Variants in DDHD1 observed in about 807,000 individuals in gnomAD.
The protein encoded by DDHD1 is phospholipase DDHD1.
Under a neutral mutation model 96.4 loss-of-function variants are expected in DDHD1, and 49 were observed. That is an observed-to-expected ratio of 0.51 (90% CI 0.40 to 0.64). The LOEUF (loss-of-function observed/expected upper bound fraction) is 0.64. DDHD1 is among the 30% of genes least tolerant of loss of function. The pLI is 0.00. For synonymous variants in DDHD1, 442 were observed against 446.5 expected, an observed-to-expected ratio of 0.99 and a Z score of 0.13; for missense variants, 1,106 against 1,161.2, an observed-to-expected ratio of 0.95 and a Z score of 0.69.
intron 1 of DDHD1, among the ~76,000 whole-genome samples, chr14:53,132,281 C>T (rs1889922070): frequency 6.6e-6 from 1 of 152,142 alleles, no homozygotes; most frequent in African/African-American, 2.4e-5. Context: ...ACAACTTGAC[C>T]TTACTGTTTC....
intron 4 of DDHD1, among the ~76,000 whole-genome samples, chr14:53,076,106 A>G (rs1011934544): frequency 6.6e-6 from 1 of 152,172 alleles, no homozygotes; most frequent in African/African-American, 2.4e-5. Context: ...TTCAAGCCTT[A>G]TATTTAAGAA....
At chr14:53,138,415 C>T (rs145673454) in intron 1 of DDHD1, among the ~76,000 whole-genome samples, 10 of 152,040 alleles carry the variant, frequency 6.6e-5, no homozygotes, top group East Asian at 5.8e-4. Context: ...GGCAACAGAG[C>T]GAGACTCTGT....
At chr14:53,123,597 G>T (rs1246851873) in intron 1 of DDHD1, among the ~76,000 whole-genome samples, 1 of 152,176 alleles carries the variant, frequency 6.6e-6, no homozygotes, top group Non-Finnish European at 1.5e-5. Context: ...GGAACTATAT[G>T]CATCAGTATG....
intron 6 of DDHD1, among the ~76,000 whole-genome samples, chr14:53,066,597 A>AT (rs747110259): frequency 1.8e-4 from 28 of 152,202 alleles, no homozygotes; most frequent in Admixed American, 3.9e-4. Context: ...CTTTTAAATA[A>AT]TTTATCCTAG....
At chr14:53,119,239 G>A (rs1888794353) in intron 1 of DDHD1, among the ~76,000 whole-genome samples, 1 of 152,194 alleles carries the variant, frequency 6.6e-6, no homozygotes. Context: ...TTGATGCTAT[G>A]AAGAAACTGC....
chr14:53,107,009 T>C (rs1029226078), intron 1 of DDHD1, among the ~76,000 whole-genome samples: 6 of 152,350 alleles, frequency 3.9e-5, no homozygotes, highest in Admixed American at 2.0e-4. Flanking sequence ...CTTTTATCAA[T>C]GGCTCTTATT....
At position 53,039,355 on chromosome 14, in the gene DDHD1, G is replaced by C. The variant is rs1881483931; in HGVS notation, c.*7413C>G. 6.6e-6 allele frequency: 1 copy of C among 152,184 alleles called. No individual in the cohort carries two copies. Among genetic ancestry groups the C allele is most frequent in the African/African-American group, 2.4e-5 (1 of 41,434 alleles). The allele number at this position is 152,184 out of a possible 1,614,324, so 9.4% of individuals were successfully genotyped here. A position where few individuals can be genotyped will look rare whatever the true frequency, so the allele number is the denominator to read the frequency against. ...GCCAGCAAATAAAATCCTATGGAAG[G>C]CTTCTGCCCTATCTAGTTAGGGTTC... On this transcript the variant is annotated 3_prime_UTR_variant, in exon 13 of 13. Transcript: ENST00000673822.
At chr14:53,152,034 A>AC (rs1003242947) in intron 1 of DDHD1, among the ~76,000 whole-genome samples, 2 of 152,060 alleles carry the variant, frequency 1.3e-5, no homozygotes, top group Non-Finnish European at 2.9e-5. Context: ...AGGAGGCGCT[A>AC]CCCCCGAAGG....
At chr14:53,089,278 T>G (rs1032745189) in intron 4 of DDHD1, among the ~76,000 whole-genome samples, 1 of 152,212 alleles carries the variant, frequency 6.6e-6, no homozygotes, top group Non-Finnish European at 1.5e-5. Context: ...CCCATCAAGC[T>G]ACCAATGACT....
At position 53,046,952 on chromosome 14, in the gene DDHD1, AAAAAG is replaced by A; in HGVS notation, c.2522-8_2522-4del. The A allele has an allele frequency of 1.3e-6, 2 of 1,597,926 alleles. No homozygotes were observed. Among genetic ancestry groups the A allele is most frequent in the Non-Finnish European group, 1.7e-6 (2 of 1,173,458 alleles). ...ATCAATCCTGTGATCCAACTCCACTAAAAAGAAAAGAAGTTAAACAAATGAATACA... is the reference window on the plus strand; with the variant it reads ...ATCAATCCTGTGATCCAACTCCACTAAAAAGAAGTTAAACAAATGAATACA... On this transcript the variant is annotated splice_region_variant and splice_polypyrimidine_tract_variant and intron_variant, in intron 12 of 12. Transcript: ENST00000673822.
intron 11 of DDHD1, among the ~76,000 whole-genome samples, chr14:53,052,359 T>C (rs373312861): frequency 6.6e-6 from 1 of 152,036 alleles, no homozygotes; most frequent in East Asian, 1.9e-4. Flanking sequence ...TCATGAATTC[T>C]AAGCCTGTGC....
intron 4 of DDHD1, among the ~76,000 whole-genome samples, chr14:53,089,574 C>G (rs892856677): frequency 4.6e-5 from 7 of 152,160 alleles, no homozygotes; most frequent in African/African-American, 1.4e-4. Context: ...AAAGGATTCC[C>G]TATTTAATAA....
chr14:53,153,085 C>T lies in DDHD1; in HGVS notation c.14G>A (p.Gly5Asp). 1 of 1,440,794 alleles carries T rather than the reference C, an allele frequency of 6.9e-7. No homozygotes were observed. The highest frequency in any genetic ancestry group is 9.0e-7 in the Non-Finnish European group (1 of 1,109,690). 89.3% of individuals were successfully genotyped at this position (1,440,794 alleles called of 1,614,324 possible). A position where few individuals can be genotyped will look rare whatever the true frequency, so the allele number is the denominator to read the frequency against. Residue 5 changes from glycine to aspartate, a missense_variant, in exon 1 of 13, where the codon GGC (glycine) becomes GAC (aspartate). Physicochemically the swap from Gly to Asp is moderately conservative, Grantham distance 94. Transcript: ENST00000673822. ...CTCGGGGCTCCGTGGGGACCCGCGG[C>T]CCGGGTAATTCATGCTGTGGAGACG... MNYP[G>D]RGSPRSPEHN...
chr14:53,081,028 A>G (rs1242057982), intron 4 of DDHD1, among the ~76,000 whole-genome samples: 1 of 152,152 alleles, frequency 6.6e-6, no homozygotes, highest in Non-Finnish European at 1.5e-5. Context: ...CTTCATTTTC[A>G]GTATATTTTA....
In DDHD1 at chr14:53,054,625, A is replaced by G; in HGVS notation, c.2250T>C (p.Ala750=). 2 of 1,613,686 alleles carry G rather than the reference A, an allele frequency of 1.2e-6. No individual in the cohort carries two copies. The highest frequency in any genetic ancestry group is 1.7e-6 in the Non-Finnish European group (2 of 1,179,656). ...CTCCAAGTCCCTTTCCAATGCTAGC[A>G]GCCCCTGTATTTCACAAAGCAGGGT... ...TNIGKASILG[A]ASIGKGLGGM... is the part of the protein sequence containing the mutation. The change falls in exon 11 of 13, where the codon GCT becomes GCC. Residue 750 remains alanine (A), a synonymous_variant. Coordinates refer to ENST00000673822, the MANE Select transcript of DDHD1 (RefSeq NM_001160148.2).
intron 2 of DDHD1, among the ~76,000 whole-genome samples, chr14:53,102,710 A>G (rs756128533): frequency 1.8e-4 from 26 of 146,408 alleles, no homozygotes; most frequent in Non-Finnish European, 3.4e-4. Context: ...TGTTACTAAC[A>G]AGAAGAAGAA....
chr14:53,069,284 G>A (rs1884312927), intron 6 of DDHD1, among the ~76,000 whole-genome samples: 2 of 152,182 alleles, frequency 1.3e-5, no homozygotes, highest in African/African-American at 4.8e-5. Context: ...CAATTAGGGT[G>A]TCTTTGCTTA....
At chr14:53,112,047 A>G (rs902305415) in intron 1 of DDHD1, among the ~76,000 whole-genome samples, 1 of 152,222 alleles carries the variant, frequency 6.6e-6, no homozygotes, top group African/African-American at 2.4e-5. Flanking sequence ...ACCACAGAGT[A>G]GACGTTAAAC....
At chr14:53,132,977 C>A (rs1288254270) in intron 1 of DDHD1, among the ~76,000 whole-genome samples, 1 of 152,220 alleles carries the variant, frequency 6.6e-6, no homozygotes, top group East Asian at 1.9e-4. Flanking sequence ...GCAAATGGTT[C>A]TTGGAACAAG....
Sources: gnomAD v4.1 joint callset for allele counts (sites outside exome capture counted in the v4.1 genomes callset) on GRCh38, gnomAD v4.1.1 for gene constraint, MANE v1.5 for transcripts, NCBI Gene and HGNC (gene_info 2026-07-23, HGNC 2026-07-21) for gene names.